Variants in ABL1 observed in about 807,000 individuals in gnomAD.
The protein encoded by ABL1 is tyrosine-protein kinase ABL1.
A neutral mutation model predicts 94.7 loss-of-function variants in ABL1; 11 were observed. The observed-to-expected ratio is 0.12, with a 90% confidence interval of 0.07 to 0.19. The LOEUF is 0.19. ABL1 is among the 10% of genes least tolerant of loss of function. The probability of loss-of-function intolerance (pLI) is 1.00; values close to 1 mark genes in which losing one functional copy is unlikely to be tolerated. For missense variants in ABL1, 1,082 were observed against 1,489.4 expected, an observed-to-expected ratio of 0.73 and a Z score of 4.50; for synonymous variants, 656 against 622.4, an observed-to-expected ratio of 1.05 and a Z score of -0.80.
chr9:130,842,548 G>C (rs939700481), intron 1 of ABL1, among the ~76,000 whole-genome samples: 1 of 152,186 alleles, frequency 6.6e-6, no homozygotes, highest in Non-Finnish European at 1.5e-5. Flanking sequence ...CCATGAGGGT[G>C]GGGAGGGTCA....
At chr9:130,860,013 C>T (rs569967738) in intron 3 of ABL1, among the ~76,000 whole-genome samples, 1 of 152,154 alleles carries the variant, frequency 6.6e-6, no homozygotes, top group Non-Finnish European at 1.5e-5. Flanking sequence ...TGACAAGTCC[C>T]ATCCTTCAGG....
chr9:130,833,948 T>G (rs1830525228), upstream of ABL1: 2 of 445,496 alleles, frequency 4.5e-6, no homozygotes, highest in Non-Finnish European at 4.6e-6. Flanking sequence ...ACCAAAGATA[T>G]CCAATGCTTT....
chr9:130,809,381 T>C (rs1040582432), intron 1 of ABL1, among the ~76,000 whole-genome samples: 1 of 132,578 alleles, frequency 7.5e-6, no homozygotes, highest in African/African-American at 2.9e-5. Context: ...TGAAGGTTCT[T>C]GAGAGAGAGA....
chr9:130,820,354 G>A (rs958187150), intron 1 of ABL1, among the ~76,000 whole-genome samples: 1 of 152,192 alleles, frequency 6.6e-6, no homozygotes. Flanking sequence ...GCCATTACTT[G>A]TGAGGGCGTC....
chr9:130,768,472 G>C (rs1262769149), intron 1 of ABL1, among the ~76,000 whole-genome samples: 2 of 152,200 alleles, frequency 1.3e-5, no homozygotes, highest in African/African-American at 2.4e-5. Flanking sequence ...GCAGAAACAG[G>C]AAGTTTCCAC....
At chr9:130,876,803 C>T (rs1469851901) in intron 7 of ABL1, among the ~76,000 whole-genome samples, 1 of 129,622 alleles carries the variant, frequency 7.7e-6, no homozygotes, top group Non-Finnish European at 1.6e-5. Flanking sequence ...GTGGCATGAT[C>T]TCAGCTCACT....
rs568523712 is a variant in ABL1 at position 130,877,089 on chromosome 9, A to G, written c.1271-1326A>G. On this transcript the variant is annotated intron_variant, in intron 7 of 10. Coordinates refer to ENST00000318560, the MANE Select transcript of ABL1 (RefSeq NM_005157.6). ...GTATTATGAACTCTCAGATTTATAT[A>G]TATCTGATGTGTTTCAGTCCACTGC... Among the ~76,000 whole-genome samples the G allele has an allele frequency of 1.9e-4, 28 of 148,096 alleles. 1 individual carries two copies. The South Asian group carries it at 5.9e-3, about 31-fold the overall frequency.
At chr9:130,874,654 G>A (rs935903949) in intron 6 of ABL1, among the ~76,000 whole-genome samples, 8 of 152,190 alleles carry the variant, frequency 5.3e-5, no homozygotes, top group Admixed American at 2.6e-4. Context: ...CAGGGAGCCC[G>A]CTCCCAGCAC....
intron 1 of ABL1, among the ~76,000 whole-genome samples, chr9:130,775,321 A>T (rs1272959611): frequency 6.6e-6 from 1 of 152,272 alleles, no homozygotes; most frequent in Non-Finnish European, 1.5e-5. Flanking sequence ...TTATAGCTTT[A>T]GATATAAAAA....
At chr9:130,738,939 G>A (rs1303569743) in intron 1 of ABL1, among the ~76,000 whole-genome samples, 1 of 152,186 alleles carries the variant, frequency 6.6e-6, no homozygotes, top group East Asian at 1.9e-4. Flanking sequence ...CTGGAGTGCA[G>A]TGGTGCGATC....
At chr9:130,865,609 G>A (rs919380912) in intron 4 of ABL1, among the ~76,000 whole-genome samples, 3 of 152,034 alleles carry the variant, frequency 2.0e-5, no homozygotes, top group African/African-American at 4.8e-5. Flanking sequence ...TCAGCCAGGC[G>A]TGGTGGTGCG....
At chr9:130,735,998 C>T (rs533570820) in intron 1 of ABL1, among the ~76,000 whole-genome samples, 2 of 135,806 alleles carry the variant, frequency 1.5e-5, no homozygotes, top group African/African-American at 5.8e-5. Flanking sequence ...CTCTGTTATG[C>T]AGGCTGGAGT....
chr9:130,714,363 C>T, exon 1 of ABL1: 1 of 1,613,464 alleles, frequency 6.2e-7, no homozygotes, highest in Non-Finnish European at 8.5e-7. Flanking sequence ...CAAAGAAGGC[C>T]AAGCTTGCCT....
chr9:130,752,566 C>G (rs1174914996), intron 1 of ABL1, among the ~76,000 whole-genome samples: 1 of 152,156 alleles, frequency 6.6e-6, no homozygotes, highest in Non-Finnish European at 1.5e-5. Context: ...TCTTCTCTTC[C>G]CAAAGCTAGT....
chr9:130,844,848 A>G lies in ABL1; in HGVS notation c.80-9216A>G, dbSNP rs1830738377. ...TACCTAGTTTCTACCAGAGACAGTC[A>G]CAGGCACTGTACTTCTACTCTGGTT... On this transcript the variant is annotated intron_variant, in intron 1 of 10. Transcript: ENST00000318560. 2.0e-5 allele frequency among the ~76,000 whole-genome samples: 3 copies of G among 152,226 alleles called. No homozygotes were observed. The South Asian group carries it at 6.2e-4, about 32-fold the overall frequency.
chr9:130,836,082 C>T (rs1473732876), intron 1 of ABL1, among the ~76,000 whole-genome samples: 1 of 152,240 alleles, frequency 6.6e-6, no homozygotes, highest in Non-Finnish European at 1.5e-5. Flanking sequence ...TACAGAATTT[C>T]AAGTGATCTT....
At chr9:130,748,240 A>G (rs1588221103) in intron 1 of ABL1, among the ~76,000 whole-genome samples, 1 of 152,236 alleles carries the variant, frequency 6.6e-6, no homozygotes, top group African/African-American at 2.4e-5. Context: ...TCATAACTAA[A>G]GGAAAGAAGA....
Position 130,884,900 on chromosome 9 carries a change from C to G in ABL1, c.2610C>G (p.Ala870=), listed in dbSNP as rs751144301. The change falls in exon 11 of 11, where the codon GCC becomes GCG. Residue 870 remains alanine (A), a synonymous_variant. Coordinates refer to ENST00000318560, the MANE Select transcript of ABL1 (RefSeq NM_005157.6). The surrounding 1 kb of genome is among the most constrained non-coding windows in gnomAD (Gnocchi z 5.6). The part of the protein sequence containing the change: ...GAPGGTSKGP[A]EESRVRRHKH... ...CAGGGGGCACCAGCAAGGGCCCCGC[C>G]GAGGAGTCCAGAGTGAGGAGGCACA... 2.5e-5 allele frequency: 41 copies of G among 1,610,038 alleles called. No homozygotes were observed. Among genetic ancestry groups the G allele is most frequent in the Non-Finnish European group, 3.5e-5 (41 of 1,178,882 alleles).
intron 1 of ABL1, among the ~76,000 whole-genome samples, chr9:130,767,512 T>G (rs764783621): frequency 2.6e-5 from 4 of 152,188 alleles, no homozygotes; most frequent in Non-Finnish European, 4.4e-5. Flanking sequence ...TTTGTATTTT[T>G]AGTAGAGATG....
Sources: gnomAD v4.1 joint callset for allele counts (sites outside exome capture counted in the v4.1 genomes callset) on GRCh38, gnomAD v4.1.1 for gene constraint, Gnocchi (gnomAD v3.1) non-coding constraint, MANE v1.5 for transcripts, NCBI Gene and HGNC (gene_info 2026-07-23, HGNC 2026-07-21) for gene names.